The following PCCA variants were observed in gnomAD, a reference collection of about 807,000 sequenced individuals.
PCCA encodes the protein propionyl-CoA carboxylase alpha chain, mitochondrial.
Under a neutral mutation model 101.3 loss-of-function variants are expected in PCCA, and 74 were observed. The observed-to-expected ratio is 0.73, with a 90% CI of 0.61 to 0.89. PCCA has a LOEUF of 0.89. PCCA is among the 40% of genes least tolerant of loss of function. The pLI, the probability that PCCA is intolerant of heterozygous loss-of-function variation, is 0.00. For missense variants in PCCA, 891 were observed against 907.0 expected (o/e 0.98, Z 0.23); for synonymous variants, 294 against 313.6 (o/e 0.94, Z 0.66).
chr13:100,230,020 A>G (rs2060370971), intron 7 of PCCA, among the ~76,000 whole-genome samples: 1 of 152,214 alleles, frequency 6.6e-6, no homozygotes. Flanking sequence ...TTATCCTAAC[A>G]GACTAATTTT....
intron 21 of PCCA, among the ~76,000 whole-genome samples, chr13:100,451,819 TCTCTCCTCTTC>T (rs2081280983): frequency 7.0e-6 from 1 of 142,010 alleles, no homozygotes; most frequent in Non-Finnish European, 1.5e-5. Context: ...TCCTCTCCTC[TCTCTCCTCTTC>T]CTCTCCTCTC....
intron 12 of PCCA, among the ~76,000 whole-genome samples, chr13:100,276,224 A>AAAC (rs2063653639): frequency 2.1e-5 from 1 of 48,032 alleles, no homozygotes; most frequent in Non-Finnish European, 6.1e-5. Context: ...AAAAAAAAAA[A>AAAC]AAAAAAAAAA....
At chr13:100,100,641 G>A (rs536847752) in intron 1 of PCCA, among the ~76,000 whole-genome samples, 2 of 152,164 alleles carry the variant, frequency 1.3e-5, no homozygotes, top group East Asian at 3.9e-4. Context: ...CTTCATTTTT[G>A]ACCTTCCATG....
At chr13:100,526,903 C>T (rs2087876820) in intron 22 of PCCA, among the ~76,000 whole-genome samples, 1 of 152,232 alleles carries the variant, frequency 6.6e-6, no homozygotes, top group African/African-American at 2.4e-5. Context: ...CGTGGGCGCT[C>T]CCAGTCTCCT....
chr13:100,192,459 G>A (rs555177548), intron 6 of PCCA, among the ~76,000 whole-genome samples: 11 of 152,294 alleles, frequency 7.2e-5, no homozygotes, highest in South Asian at 4.1e-4. Context: ...CATCAAAGGC[G>A]TATAAAATTG....
chr13:100,138,215 T>A (rs1226771077), intron 4 of PCCA, among the ~76,000 whole-genome samples: 4 of 152,242 alleles, frequency 2.6e-5, no homozygotes. Flanking sequence ...TTGAACTTTT[T>A]AAAAGTATTC....
intron 7 of PCCA, among the ~76,000 whole-genome samples, chr13:100,210,566 A>T (rs994378324): frequency 6.6e-6 from 1 of 152,224 alleles, no homozygotes; most frequent in African/African-American, 2.4e-5. Flanking sequence ...GTATATTGCA[A>T]ACATTTAGCA....
At chr13:100,500,517 G>A (rs1284079805) in intron 21 of PCCA, among the ~76,000 whole-genome samples, 2 of 152,126 alleles carry the variant, frequency 1.3e-5, no homozygotes, top group East Asian at 3.9e-4. Context: ...ACAGTCCCCA[G>A]TTGCCCAAAT....
At chr13:100,110,665 C>A (rs1332265574) in intron 2 of PCCA, among the ~76,000 whole-genome samples, 1 of 152,142 alleles carries the variant, frequency 6.6e-6, no homozygotes, top group Non-Finnish European at 1.5e-5. Context: ...TGAAAATATG[C>A]CCTGTCCCAA....
At chr13:100,502,987 A>G (rs1026723984) in intron 21 of PCCA, among the ~76,000 whole-genome samples, 3 of 152,194 alleles carry the variant, frequency 2.0e-5, no homozygotes, top group African/African-American at 7.2e-5. Flanking sequence ...CTGTATTTAC[A>G]GCTGGACCTT....
intron 21 of PCCA, among the ~76,000 whole-genome samples, chr13:100,510,904 A>G (rs564445615): frequency 1.1e-4 from 17 of 152,350 alleles, no homozygotes; most frequent in Non-Finnish European, 2.1e-4. Context: ...CTGCCTGTCC[A>G]TGTCCGCTCC....
At chr13:100,130,587 TA>T (rs1172362167) in intron 4 of PCCA, among the ~76,000 whole-genome samples, 1 of 152,340 alleles carries the variant, frequency 6.6e-6, no homozygotes, top group Non-Finnish European at 1.5e-5. Flanking sequence ...TACAACTGCT[TA>T]TAAATAGTAT....
At chr13:100,252,307 T>C (rs137998230) in intron 8 of PCCA, among the ~76,000 whole-genome samples, 239 of 152,336 alleles carry the variant, frequency 1.6e-3, no homozygotes, top group African/African-American at 5.5e-3. Context: ...TGTTTTGCAA[T>C]TGGTTATTTA....
At chr13:100,442,195 T>C (rs2080426635) in intron 20 of PCCA, among the ~76,000 whole-genome samples, 1 of 152,028 alleles carries the variant, frequency 6.6e-6, no homozygotes, top group Non-Finnish European at 1.5e-5. Flanking sequence ...GATTTCACCA[T>C]GTTGGCCAGG....
intron 7 of PCCA, among the ~76,000 whole-genome samples, chr13:100,227,794 T>C (rs1426550835): frequency 6.6e-6 from 1 of 152,186 alleles, no homozygotes; most frequent in Non-Finnish European, 1.5e-5. Flanking sequence ...ATCATTGGAC[T>C]CTTTTTTCCC....
In PCCA at chr13:100,386,141, G is replaced by C. The variant is rs1040896281; in HGVS notation, c.1746+17567G>C. Among the ~76,000 whole-genome samples the C allele has an allele frequency of 6.6e-5, 10 of 152,126 alleles. 1 individual carries two copies. The highest frequency in any genetic ancestry group is 5.9e-4 in the Admixed American group (9 of 15,284). ...AGCTCACTCCAAAAGTTTTGCTTAG[G>C]GTTCCAGAGTTCATAGTAATTTCAT... On this transcript the variant is annotated intron_variant, in intron 19 of 23. Coordinates refer to ENST00000376285, the MANE Select transcript of PCCA (RefSeq NM_000282.4).
At chr13:100,281,476 C>G (rs2064114124) in intron 12 of PCCA, among the ~76,000 whole-genome samples, 1 of 152,122 alleles carries the variant, frequency 6.6e-6, no homozygotes, top group Non-Finnish European at 1.5e-5. Context: ...TGCTGGGGAC[C>G]TAGGAACATG....
intron 22 of PCCA, among the ~76,000 whole-genome samples, chr13:100,518,933 G>A (rs1261292015): frequency 1.3e-5 from 2 of 152,064 alleles, no homozygotes; most frequent in African/African-American, 2.4e-5. Context: ...TCAGAATAAC[G>A]GTAGAATACA....
chr13:100,287,942 T>G (rs1257007319), intron 12 of PCCA, among the ~76,000 whole-genome samples: 1 of 152,216 alleles, frequency 6.6e-6, no homozygotes, highest in Non-Finnish European at 1.5e-5. Flanking sequence ...GTTTGATACC[T>G]TCACAATTGT....
Sources: gnomAD v4.1 joint callset for allele counts (sites outside exome capture counted in the v4.1 genomes callset) on GRCh38, gnomAD v4.1.1 for gene constraint, MANE v1.5 for transcripts, NCBI Gene and HGNC (gene_info 2026-07-23, HGNC 2026-07-21) for gene names.